The following KALRN variants were observed in gnomAD, a reference collection of about 807,000 sequenced individuals.
KALRN encodes kalirin RhoGEF kinase.
A neutral mutation model predicts 353.7 loss-of-function variants in KALRN; 70 were observed. The observed-to-expected ratio is 0.20, with a 90% CI of 0.16 to 0.24. The LOEUF is 0.24. Among genes scored for constraint, KALRN ranks in the 10% least tolerant of loss-of-function variants. KALRN has a pLI of 1.00. For synonymous variants in KALRN, 1,391 were observed against 1,434.8 expected (o/e 0.97, Z 0.69); for missense variants, 2,791 against 3,756.7 (o/e 0.74, Z 6.72).
At chr3:124,253,878 C>A (rs1181717372) in intron 3 of KALRN, among the ~76,000 whole-genome samples, 1 of 152,236 alleles carries the variant, frequency 6.6e-6, no homozygotes, top group Non-Finnish European at 1.5e-5. Context: ...CTTCATCCCC[C>A]TGACTGGTCT....
intron 1 of KALRN, among the ~76,000 whole-genome samples, chr3:124,065,114 A>G (rs1430780828): frequency 1.3e-5 from 2 of 152,202 alleles, no homozygotes; most frequent in Non-Finnish European, 2.9e-5. Flanking sequence ...TACTAGATTT[A>G]TACCAGAATT....
At chr3:124,595,010 A>G (rs2076146433) in intron 34 of KALRN, among the ~76,000 whole-genome samples, 1 of 151,556 alleles carries the variant, frequency 6.6e-6, no homozygotes, top group Non-Finnish European at 1.5e-5. Flanking sequence ...ATACCATGGG[A>G]AATAGTTCAT....
intron 19 of KALRN, among the ~76,000 whole-genome samples, chr3:124,444,546 C>T (rs186183919): frequency 1.7e-3 from 254 of 151,806 alleles, no homozygotes; most frequent in Middle Eastern, 6.9e-3. Context: ...GCCTGTAATC[C>T]TAGCACTTTG....
intron 5 of KALRN, among the ~76,000 whole-genome samples, chr3:124,270,824 G>GTTTTTTTTTTTTTTTTTTTTTT (rs777615656): frequency 1.3e-5 from 1 of 78,652 alleles, no homozygotes; most frequent in Non-Finnish European, 2.4e-5. Context: ...TTTTTGTTTT[G>GTTTTTTTTTTTTTTTTTTTTTT]TTTTTTTTTT....
At chr3:124,571,370 CT>C (rs1200348772) in intron 34 of KALRN, among the ~76,000 whole-genome samples, 1 of 152,208 alleles carries the variant, frequency 6.6e-6, no homozygotes, top group Non-Finnish European at 1.5e-5. Flanking sequence ...CATCCTTACC[CT>C]TGAACTTTGG....
chr3:124,226,441 A>G (rs1005719662), intron 1 of KALRN, among the ~76,000 whole-genome samples: 75 of 152,324 alleles, frequency 4.9e-4, no homozygotes, highest in African/African-American at 1.7e-3. Flanking sequence ...TCTCAAAGTG[A>G]GCCTTGTAGC....
At chr3:124,240,886 C>G (rs1438325775) in intron 3 of KALRN, among the ~76,000 whole-genome samples, 2 of 152,172 alleles carry the variant, frequency 1.3e-5, no homozygotes, top group African/African-American at 4.8e-5. Context: ...CAGGCTCTCT[C>G]TAGCACCCAG....
chr3:124,719,182 C>A lies in KALRN; in HGVS notation c.8673C>A (p.Asn2891Lys). The change falls in exon 60 of 60, where the codon AAC becomes AAA. Residue 2891 changes from asparagine (N) to lysine (K), a missense_variant. By Grantham distance (94) the Asn-to-Lys change is moderately conservative. Transcript: ENST00000682506. The surrounding 1 kb of genome is among the most constrained non-coding windows in gnomAD (Gnocchi z 5.3). ...AGAGCAAAGAGGAGACATGTATCAA[C>A]GTATGCAGGGTGGATTTCAGCTTCC... ...LDESKEETCI[N>K]VCRVDFSFPH... 1 of 1,614,226 alleles carries A rather than the reference C, an allele frequency of 6.2e-7. No homozygotes were observed. Among genetic ancestry groups the A allele is most frequent in the African/African-American group, 1.3e-5 (1 of 75,056 alleles).
intron 34 of KALRN, among the ~76,000 whole-genome samples, chr3:124,566,504 CAAA>C (rs3057177): frequency 3.1e-4 from 42 of 136,264 alleles, no homozygotes; most frequent in African/African-American, 3.2e-4. Flanking sequence ...AACCCTGTCT[CAAA>C]AAAAAAAAAA....
At chr3:124,627,153 T>C (rs940509417) in intron 34 of KALRN, among the ~76,000 whole-genome samples, 8 of 152,134 alleles carry the variant, frequency 5.3e-5, no homozygotes, top group Non-Finnish European at 1.2e-4. Context: ...TAAGTAGATG[T>C]TTCTAATCTA....
At chr3:124,553,787 G>A (rs2070847654) in intron 33 of KALRN, among the ~76,000 whole-genome samples, 1 of 152,250 alleles carries the variant, frequency 6.6e-6, no homozygotes, top group African/African-American at 2.4e-5. Context: ...ATGCCTCCCT[G>A]TAGACAGGAC....
chr3:124,121,644 G>T (rs1473991262), intron 1 of KALRN, among the ~76,000 whole-genome samples: 2 of 152,226 alleles, frequency 1.3e-5, no homozygotes, highest in Non-Finnish European at 2.9e-5. Flanking sequence ...ATGATAAAAT[G>T]CAAGAAGTGG....
intron 51 of KALRN, among the ~76,000 whole-genome samples, chr3:124,681,456 T>C (rs945377457): frequency 6.6e-6 from 1 of 152,130 alleles, no homozygotes; most frequent in East Asian, 1.9e-4. Flanking sequence ...TGTTGATGCA[T>C]GTCCGAAAAG....
chr3:124,611,330 ATTAAG>A, intron 34 of KALRN, among the ~76,000 whole-genome samples: 1 of 152,236 alleles, frequency 6.6e-6, no homozygotes, highest in East Asian at 1.9e-4. Flanking sequence ...AGCAGAAAGA[ATTAAG>A]TTGAGATACC....
At chr3:124,370,183 G>A (rs1158931927) in intron 10 of KALRN, among the ~76,000 whole-genome samples, 1 of 152,156 alleles carries the variant, frequency 6.6e-6, no homozygotes, top group African/African-American at 2.4e-5. Context: ...ATTTAACCAG[G>A]TCAATGTATG....
At chr3:124,088,199 TG>T (rs2060924085) in intron 1 of KALRN, among the ~76,000 whole-genome samples, 1 of 152,172 alleles carries the variant, frequency 6.6e-6, no homozygotes, top group East Asian at 1.9e-4. Flanking sequence ...ACTATGCGGA[TG>T]GTCCATCAGG....
intron 3 of KALRN, among the ~76,000 whole-genome samples, chr3:124,246,429 G>A (rs978562290): frequency 1.3e-5 from 2 of 152,178 alleles, no homozygotes; most frequent in Admixed American, 6.5e-5. Context: ...TTAAAGTTAG[G>A]ATCTGATATG....
chr3:124,035,908 A>G (rs971019058), intron 1 of KALRN, among the ~76,000 whole-genome samples: 1 of 152,194 alleles, frequency 6.6e-6, no homozygotes, highest in Non-Finnish European at 1.5e-5. Context: ...GCTGGAAATG[A>G]CTGATGACCT....
intron 43 of KALRN, 77 bp downstream of exon 43, chr3:124,659,534 G>C: frequency 1.0e-6 from 1 of 987,892 alleles, no homozygotes; most frequent in Admixed American, 1.7e-5. Context: ...TAGGGGTAGA[G>C]CTAGCGGTTC....
Sources: allele counts gnomAD v4.1 joint callset (sites outside exome capture counted in the v4.1 genomes callset), GRCh38; gene constraint gnomAD v4.1.1; non-coding constraint Gnocchi (gnomAD v3.1); transcripts MANE v1.5; gene names NCBI Gene and HGNC (gene_info 2026-07-23, HGNC 2026-07-21).